Variants in FGF14 observed in about 807,000 individuals in gnomAD.
FGF14 encodes fibroblast growth factor homologous factor 4.
Under a neutral mutation model 25.5 loss-of-function variants are expected in FGF14, and 5 were observed. The observed-to-expected ratio is 0.20, with a 90% CI of 0.10 to 0.41. The LOEUF (loss-of-function observed/expected upper bound fraction) is 0.41, where lower values mean the gene tolerates loss of function less well. FGF14 is among the 10% of genes least tolerant of loss of function. The pLI is 1.00. For missense variants in FGF14, 222 were observed against 320.1 expected (o/e 0.69, Z 2.34); for synonymous variants, 138 against 118.3 (o/e 1.17, Z -1.08).
chr13:101,781,136 GTCTCTC>G (rs60887373), intron 3 of FGF14, among the ~76,000 whole-genome samples: 62,144 of 150,924 alleles, frequency 0.41, 13,249 homozygotes, highest in East Asian at 0.81. Flanking sequence ...CTTTGTCTTT[GTCTCTC>G]TCTCTCTCTC....
chr13:102,214,899 C>A (rs1042767946), intron 1 of FGF14, among the ~76,000 whole-genome samples: 1 of 152,150 alleles, frequency 6.6e-6, no homozygotes, highest in African/African-American at 2.4e-5. Flanking sequence ...GACGTTCTAT[C>A]TTGCCTAAGT....
At chr13:102,239,070 C>T (rs575298720) in intron 1 of FGF14, among the ~76,000 whole-genome samples, 1 of 111,804 alleles carries the variant, frequency 8.9e-6, no homozygotes, top group East Asian at 2.5e-4. Flanking sequence ...TTCAGTAACT[C>T]GCTGGTTAAA....
At chr13:101,891,060 T>G (rs1358139994) in intron 1 of FGF14, among the ~76,000 whole-genome samples, 1 of 152,258 alleles carries the variant, frequency 6.6e-6, no homozygotes, top group Non-Finnish European at 1.5e-5. Context: ...AGGTTAAAAC[T>G]TTTTCTTCTT....
chr13:101,734,878 T>C (rs1202011397), intron 3 of FGF14, among the ~76,000 whole-genome samples: 1 of 152,228 alleles, frequency 6.6e-6, no homozygotes, highest in African/African-American at 2.4e-5. Flanking sequence ...TTTATCATAT[T>C]GTTCAATTGA....
intron 1 of FGF14, among the ~76,000 whole-genome samples, chr13:101,913,287 A>G (rs554067541): frequency 1.6e-4 from 24 of 152,244 alleles, no homozygotes; most frequent in African/African-American, 5.1e-4. Context: ...TGGAGGGTAG[A>G]TGGAGCTGAA....
intron 1 of FGF14, among the ~76,000 whole-genome samples, chr13:102,194,727 T>G (rs1484162026): frequency 6.6e-6 from 1 of 152,198 alleles, no homozygotes; most frequent in African/African-American, 2.4e-5. Flanking sequence ...AAATTTCATT[T>G]GAAAATCATT....
At chr13:101,839,325 C>G (rs1397127990) in intron 3 of FGF14, among the ~76,000 whole-genome samples, 1 of 151,878 alleles carries the variant, frequency 6.6e-6, no homozygotes, top group Non-Finnish European at 1.5e-5. Flanking sequence ...AAATGTGATC[C>G]TGAGAAAAGT....
chr13:101,741,292 C>A (rs2036537304), intron 3 of FGF14, among the ~76,000 whole-genome samples: 1 of 152,112 alleles, frequency 6.6e-6, no homozygotes, highest in Non-Finnish European at 1.5e-5. Context: ...GCTGAGATCA[C>A]ACCATTGCAC....
intron 1 of FGF14, among the ~76,000 whole-genome samples, chr13:102,321,894 G>A (rs1456889796): frequency 6.6e-6 from 1 of 152,156 alleles, no homozygotes; most frequent in African/African-American, 2.4e-5. Flanking sequence ...AAACCCAAAG[G>A]TAGAAAGTGG....
intron 3 of FGF14, among the ~76,000 whole-genome samples, chr13:101,840,502 G>C (rs1255187595): frequency 6.6e-6 from 1 of 151,426 alleles, no homozygotes; most frequent in Non-Finnish European, 1.5e-5. Context: ...ATAGAAATTT[G>C]ACTGGCTCTA....
chr13:102,086,726 G>A (rs1566667537), intron 1 of FGF14, among the ~76,000 whole-genome samples: 1 of 152,244 alleles, frequency 6.6e-6, no homozygotes, highest in South Asian at 2.1e-4. Flanking sequence ...CTCATATTCT[G>A]TATTTCAGGC....
Position 102,401,476 on chromosome 13 carries a change from G to A in FGF14, c.203C>T (p.Pro68Leu), listed in dbSNP as rs144236572. Reference sequence around the variant, plus strand: ...ATGATGCATGTTTCGCTTACCAGTTGGGTTCTTGTTTTTCTTAAGACTCTT... The same window carrying A: ...ATGATGCATGTTTCGCTTACCAGTTAGGTTCTTGTTTTTCTTAAGACTCTT... Residue 68 changes from proline (P) to leucine (L), a missense_variant, in exon 1 of 5, where the codon CCA (proline) becomes CTA (leucine). Transcript: ENST00000376131. 6.2e-6 allele frequency: 10 copies of A among 1,613,848 alleles called. No homozygotes were observed. In the East Asian group the frequency reaches 2.2e-4, roughly 36 times the overall value.
At chr13:101,804,251 G>T (rs990881421) in intron 3 of FGF14, among the ~76,000 whole-genome samples, 2 of 152,162 alleles carry the variant, frequency 1.3e-5, no homozygotes, top group African/African-American at 2.4e-5. Context: ...TGTGTAAGGA[G>T]AGTGGACACC....
At chr13:101,902,654 C>G (rs778434931) in intron 1 of FGF14, among the ~76,000 whole-genome samples, 3 of 152,160 alleles carry the variant, frequency 2.0e-5, no homozygotes, top group Non-Finnish European at 4.4e-5. Flanking sequence ...GAATAACTAA[C>G]TTCCTGAAGC....
intron 1 of FGF14, among the ~76,000 whole-genome samples, chr13:102,120,895 G>A (rs2045694330): frequency 6.6e-6 from 1 of 152,038 alleles, no homozygotes; most frequent in African/African-American, 2.4e-5. Flanking sequence ...GTAGAGACGG[G>A]GTTTCACCGT....
chr13:102,252,568 A>C (rs565736529), intron 1 of FGF14, among the ~76,000 whole-genome samples: 4 of 152,304 alleles, frequency 2.6e-5, no homozygotes, highest in African/African-American at 9.6e-5. Flanking sequence ...AATCATCTCC[A>C]GATGAGTTAG....
chr13:102,266,717 C>T (rs2053008928), intron 1 of FGF14, among the ~76,000 whole-genome samples: 1 of 152,008 alleles, frequency 6.6e-6, no homozygotes, highest in Non-Finnish European at 1.5e-5. Flanking sequence ...AACATGAACT[C>T]ACCAATTTCA....
chr13:102,286,526 G>A (rs571188830), intron 1 of FGF14, among the ~76,000 whole-genome samples: 13 of 152,244 alleles, frequency 8.5e-5, no homozygotes, highest in African/African-American at 2.6e-4. Flanking sequence ...TTCTCTCTAT[G>A]TATAAGTATT....
At chr13:102,033,633 A>G (rs2041325123) in intron 1 of FGF14, among the ~76,000 whole-genome samples, 1 of 152,268 alleles carries the variant, frequency 6.6e-6, no homozygotes, top group African/African-American at 2.4e-5. Context: ...TCAGGACAAG[A>G]TCTGAGCTAC....
Sources: allele counts gnomAD v4.1 joint callset (sites outside exome capture counted in the v4.1 genomes callset), GRCh38; gene constraint gnomAD v4.1.1; transcripts MANE v1.5; gene names NCBI Gene and HGNC (gene_info 2026-07-23, HGNC 2026-07-21).